The following EPC2 variants were observed in gnomAD, a reference collection of about 807,000 sequenced individuals.
The protein encoded by EPC2 is enhancer of polycomb homolog 2.
In EPC2, 14 loss-of-function variants were observed where a neutral mutation model predicts 92.1. That is an observed-to-expected ratio of 0.15 (90% confidence interval 0.10 to 0.24). The LOEUF is 0.24. Ranked by LOEUF, EPC2 falls within the 10% of genes least tolerant of loss-of-function variation. EPC2 has a pLI of 1.00. For missense variants in EPC2, 755 were observed against 971.5 expected (o/e 0.78, Z 2.96); for synonymous variants, 340 against 334.7 (o/e 1.02, Z -0.17).
chr2:148,712,395 T>C (rs1682164861), intron 2 of EPC2, among the ~76,000 whole-genome samples: 1 of 152,192 alleles, frequency 6.6e-6, no homozygotes, highest in South Asian at 2.1e-4. Context: ...GTCCCTTGTA[T>C]CATTGCTGTC....
chr2:148,692,800 C>T (rs1681670058), intron 2 of EPC2: 1 of 152,138 alleles, frequency 6.6e-6, no homozygotes, highest in Non-Finnish European at 1.5e-5. Context: ...TCATGTGGGT[C>T]AGGCCCATCG....
chr2:148,702,981 A>C (rs1312781976), intron 2 of EPC2, among the ~76,000 whole-genome samples: 1 of 152,172 alleles, frequency 6.6e-6, no homozygotes, highest in African/African-American at 2.4e-5. Context: ...AAGTCTTCCC[A>C]CTGTATCATA....
intron 2 of EPC2, among the ~76,000 whole-genome samples, chr2:148,726,765 G>GTTTTTTTTTTT (rs201293391): frequency 2.0e-5 from 2 of 100,600 alleles, no homozygotes; most frequent in Admixed American, 1.0e-4. Flanking sequence ...TTTGTTTTTT[G>GTTTTTTTTTTT]TTTTTTTTTT....
At chr2:148,656,001 CTGTGTG>C (rs1553537658) in intron 1 of EPC2, among the ~76,000 whole-genome samples, 1 of 59,956 alleles carries the variant, frequency 1.7e-5, no homozygotes, top group African/African-American at 6.4e-5. Flanking sequence ...CTGCTGTTAG[CTGTGTG>C]TGTGTGTGTG....
intron 1 of EPC2, among the ~76,000 whole-genome samples, chr2:148,688,011 C>G (rs1681564364): frequency 6.6e-6 from 1 of 152,072 alleles, no homozygotes; most frequent in African/African-American, 2.4e-5. Flanking sequence ...CGAAACTTTT[C>G]TTTTTGGATC....
intron 6 of EPC2, among the ~76,000 whole-genome samples, chr2:148,763,404 T>G (rs945998099): frequency 6.6e-6 from 1 of 152,170 alleles, no homozygotes; most frequent in Non-Finnish European, 1.5e-5. Flanking sequence ...GGTACATTAA[T>G]TAAAGTATTT....
chr2:148,679,310 G>A (rs1053889892), intron 1 of EPC2, among the ~76,000 whole-genome samples: 1 of 152,100 alleles, frequency 6.6e-6, no homozygotes, highest in Non-Finnish European at 1.5e-5. Flanking sequence ...CTTGAAATTT[G>A]ATTCTCTTGT....
At chr2:148,668,728 GTGATAT>G (rs1348491320) in intron 1 of EPC2, among the ~76,000 whole-genome samples, 3 of 152,174 alleles carry the variant, frequency 2.0e-5, no homozygotes, top group Non-Finnish European at 2.9e-5. Context: ...ATTCTCTGGA[GTGATAT>G]TACCTCTTGT....
intron 1 of EPC2, among the ~76,000 whole-genome samples, chr2:148,669,915 T>C (rs1209482391): frequency 6.6e-6 from 1 of 152,160 alleles, no homozygotes; most frequent in African/African-American, 2.4e-5. Flanking sequence ...TCAGACTCTT[T>C]TGGATGGTTG....
intron 10 of EPC2, among the ~76,000 whole-genome samples, chr2:148,776,856 C>CTCTCTTTTTTTTTTTTTTTT (rs1247135854): frequency 1.6e-4 from 16 of 101,026 alleles, no homozygotes; most frequent in African/African-American, 5.9e-4. Flanking sequence ...GTCTCTCTCT[C>CTCTCTTTTTTTTTTTTTTTT]TTTTTTTTTT....
In EPC2 at chr2:148,771,493, A is replaced by G. The variant is rs1683517914; in HGVS notation, c.1720+106A>G. On this transcript the variant is annotated intron_variant, in intron 10 of 13. Coordinates refer to ENST00000258484, the MANE Select transcript of EPC2 (RefSeq NM_015630.4). ...TACTTAATTTTTTTTCCAACCTAAG[A>G]AACAAAATTGTTCTGTTCTGTCTCA... The G allele has an allele frequency of 5.6e-6, 6 of 1,080,430 alleles. No homozygotes were observed. The Admixed American group carries it at 7.7e-5, about 14-fold the overall frequency. 66.9% of individuals were successfully genotyped at this position (1,080,430 alleles called of 1,614,324 possible). A position where few individuals can be genotyped will look rare whatever the true frequency, so the allele number is the denominator to read the frequency against.
At chr2:148,765,172 A>C in intron 7 of EPC2, 26 bp downstream of exon 7, 2 of 1,465,878 alleles carry the variant, frequency 1.4e-6, no homozygotes, top group Non-Finnish European at 1.8e-6. Context: ...TATTTTAAAG[A>C]TATTTCTTCT....
chr2:148,722,822 C>T (rs1440268092), intron 2 of EPC2, among the ~76,000 whole-genome samples: 10 of 152,254 alleles, frequency 6.6e-5, no homozygotes, highest in South Asian at 2.1e-4. Flanking sequence ...TACATATACA[C>T]GATACATATA....
chr2:148,765,072 A>G lies in EPC2; in HGVS notation c.1066A>G (p.Thr356Ala). The G allele has an allele frequency of 1.2e-6, 2 of 1,609,450 alleles. No homozygotes were observed. Among genetic ancestry groups the G allele is most frequent in the Non-Finnish European group, 8.5e-7 (1 of 1,177,304 alleles). The change falls in exon 7 of 14, where the codon ACA (threonine) becomes GCA (alanine). Residue 356 changes from threonine to alanine, a missense_variant. This residue lies in a region of EPC2 where 509 missense variants were observed against 607.7 expected (regional missense o/e 0.84). Transcript: ENST00000258484. ...AACATCTCAGCAACCCACTCCTGAG[A>G]CATTGCCTGTGATCAATAAGAGTGA... ...LITSQQPTPE[T>A]LPVINKSDIK...
chr2:148,726,304 A>G (rs570237396), intron 2 of EPC2, among the ~76,000 whole-genome samples: 40 of 152,288 alleles, frequency 2.6e-4, no homozygotes, highest in African/African-American at 9.6e-4. Context: ...TCTTTTGGAT[A>G]TATACACAGA....
At chr2:148,668,879 T>C (rs1280824981) in intron 1 of EPC2, among the ~76,000 whole-genome samples, 1 of 152,176 alleles carries the variant, frequency 6.6e-6, no homozygotes, top group Non-Finnish European at 1.5e-5. Flanking sequence ...TTCTGTTTTA[T>C]ATTTTATTGA....
At chr2:148,657,794 C>T (rs1680836281) in intron 1 of EPC2, among the ~76,000 whole-genome samples, 1 of 152,082 alleles carries the variant, frequency 6.6e-6, no homozygotes, top group South Asian at 2.1e-4. Flanking sequence ...CCATGCCTTT[C>T]TGCCTTACCA....
intron 1 of EPC2, among the ~76,000 whole-genome samples, chr2:148,668,051 A>G (rs1220108210): frequency 6.6e-6 from 1 of 152,058 alleles, no homozygotes; most frequent in Non-Finnish European, 1.5e-5. Context: ...GGCACACGCC[A>G]CCATGCCTAG....
At position 148,730,928 on chromosome 2, in the gene EPC2, C is replaced by A. The variant is rs187580191; in HGVS notation, c.314-12694C>A. Among the ~76,000 whole-genome samples the A allele has an allele frequency of 9.2e-5, 14 of 152,212 alleles. No homozygotes were observed. In the East Asian group the frequency reaches 2.7e-3, roughly 29 times the overall value. ...CATATAACTTCATTGAACATATGGT[C>A]CTGAATATTTGTTCTGCTTGAAAAT... On this transcript the variant is annotated intron_variant, in intron 2 of 13. Coordinates refer to ENST00000258484, the MANE Select transcript of EPC2 (RefSeq NM_015630.4).
Sources: gnomAD v4.1 joint callset for allele counts (sites outside exome capture counted in the v4.1 genomes callset) on GRCh38, gnomAD v4.1.1 for gene constraint, gnomAD v4.1.1 regional missense constraint, MANE v1.5 for transcripts, NCBI Gene and HGNC (gene_info 2026-07-23, HGNC 2026-07-21) for gene names.